Variants in PCSK5 observed in about 807,000 individuals in gnomAD.
PCSK5 encodes prohormone convertase 5.
Under a neutral mutation model 233.2 loss-of-function variants are expected in PCSK5, and 129 were observed. The observed-to-expected ratio is 0.55, with a 90% CI of 0.48 to 0.64. The LOEUF is 0.64. Ranked by LOEUF, PCSK5 falls within the 30% of genes least tolerant of loss-of-function variation. The probability of loss-of-function intolerance (pLI) is 0.00; values close to 1 mark genes in which losing one functional copy is unlikely to be tolerated. For synonymous variants in PCSK5, 825 were observed against 879.2 expected, an observed-to-expected ratio of 0.94 and a Z score of 1.09; for missense variants, 2,076 against 2,430.1, an observed-to-expected ratio of 0.85 and a Z score of 3.06.
intron 7 of PCSK5, among the ~76,000 whole-genome samples, chr9:76,089,670 A>G (rs138497867): frequency 4.1e-4 from 62 of 152,356 alleles, no homozygotes; most frequent in African/African-American, 1.5e-3. Flanking sequence ...TTTTAAAAAT[A>G]CTAAGCAATA....
chr9:75,891,143 A>ACCAG lies in PCSK5; in HGVS notation c.-33_-30dup. 7.0e-7 allele frequency: 1 copy of ACCAG among 1,435,036 alleles called. No individual in the cohort carries two copies. Among genetic ancestry groups the ACCAG allele is most frequent in the Non-Finnish European group, 9.1e-7 (1 of 1,103,044 alleles). The allele number at this position is 1,435,036 out of a possible 1,614,324, so 88.9% of individuals were successfully genotyped here. On this transcript the variant is annotated 5_prime_UTR_variant, in exon 1 of 38. Transcript: ENST00000674117. ...GTTGTGCGCGCCCTTAGTGCGCGGA[A>ACCAG]CCAGCCAGCGAGCGAGGGAGCAGCG... is the stretch of plus-strand genomic sequence containing the variant.
chr9:75,979,091 T>C (rs1365159500), intron 2 of PCSK5, among the ~76,000 whole-genome samples: 2 of 152,080 alleles, frequency 1.3e-5, no homozygotes, highest in African/African-American at 4.8e-5. Context: ...TGTCCTCAGG[T>C]GATCAGCCCA....
chr9:76,186,002 G>A (rs934874051), intron 17 of PCSK5, among the ~76,000 whole-genome samples: 12 of 152,072 alleles, frequency 7.9e-5, no homozygotes, highest in African/African-American at 1.9e-4. Flanking sequence ...AGTGCATGCC[G>A]GTAGAAACAT....
chr9:76,251,066 G>C (rs1014183913), intron 24 of PCSK5, among the ~76,000 whole-genome samples: 1 of 152,150 alleles, frequency 6.6e-6, no homozygotes, highest in South Asian at 2.1e-4. Context: ...CCAGGAGTTC[G>C]AGACCAGCCT....
At chr9:76,229,339 T>G (rs374938881) in intron 21 of PCSK5, among the ~76,000 whole-genome samples, 1 of 152,218 alleles carries the variant, frequency 6.6e-6, no homozygotes, top group Admixed American at 6.5e-5. Context: ...CTACCACCCT[T>G]CTTTTACAAT....
At chr9:76,100,403 A>G (rs886891677) in intron 8 of PCSK5, among the ~76,000 whole-genome samples, 18 of 152,268 alleles carry the variant, frequency 1.2e-4, no homozygotes, top group African/African-American at 4.3e-4. Context: ...ACACTGTGCT[A>G]TGCACATCAA....
chr9:76,351,536 GGA>G (rs1830158367), intron 36 of PCSK5, among the ~76,000 whole-genome samples: 3 of 91,418 alleles, frequency 3.3e-5, no homozygotes, highest in Non-Finnish European at 7.1e-5. Context: ...AAGAAAGGAA[GGA>G]AAGAAAGAGA....
intron 2 of PCSK5, among the ~76,000 whole-genome samples, chr9:75,946,918 C>G (rs1180249241): frequency 6.6e-6 from 1 of 152,284 alleles, no homozygotes; most frequent in East Asian, 1.9e-4. Context: ...GCACTTTGAG[C>G]TCTTCCCCAG....
chr9:76,067,109 C>T (rs983033086), intron 5 of PCSK5, among the ~76,000 whole-genome samples: 3 of 152,168 alleles, frequency 2.0e-5, no homozygotes, highest in Non-Finnish European at 2.9e-5. Flanking sequence ...TTTAGGCCAC[C>T]GTTTCTAAGC....
chr9:76,079,212 T>G (rs1357933856), intron 7 of PCSK5, among the ~76,000 whole-genome samples: 1 of 151,846 alleles, frequency 6.6e-6, no homozygotes, highest in East Asian at 1.9e-4. Flanking sequence ...CAAATGATTC[T>G]CCTGCCTCAG....
At chr9:76,016,730 A>T (rs1827963292) in intron 3 of PCSK5, among the ~76,000 whole-genome samples, 1 of 152,198 alleles carries the variant, frequency 6.6e-6, no homozygotes, top group African/African-American at 2.4e-5. Flanking sequence ...AAAGTTTCTA[A>T]TGCACGATGG....
rs1830145660 is a variant in PCSK5, at chr9:76,351,511, A to AAGGAAGGAAGGAAG, written c.5067+583_5067+584insAGGAAGGAAGGAAG. 4.4e-5 allele frequency among the ~76,000 whole-genome samples: 3 copies of AAGGAAGGAAGGAAG among 67,810 alleles called. 1 individual carries two copies. The highest frequency in any genetic ancestry group is 8.3e-5 in the Non-Finnish European group (2 of 24,022). 44.5% of individuals were successfully genotyped at this position (67,810 alleles called of 152,430 possible). On this transcript the variant is annotated intron_variant, in intron 36 of 37. Transcript: ENST00000674117. Reference sequence around the variant, plus strand: ...AAGAAAGAAAGAAAGAAAGAAAGAAAGAAAGAAAGAAAGAAAGAAAGGAAG... The same window carrying AAGGAAGGAAGGAAG: ...AAGAAAGAAAGAAAGAAAGAAAGAAAAGGAAGGAAGGAAGGAAAGAAAGAAAGAAAGAAAGGAAG...
intron 11 of PCSK5, 125 bp downstream of exon 11, chr9:76,157,287 C>T: frequency 1.5e-6 from 1 of 668,046 alleles, no homozygotes; most frequent in East Asian, 2.6e-5. Flanking sequence ...TCTAATGTGA[C>T]TATGAAATGG....
intron 24 of PCSK5, among the ~76,000 whole-genome samples, chr9:76,241,824 A>T (rs1171029020): frequency 6.6e-6 from 1 of 152,190 alleles, no homozygotes; most frequent in Non-Finnish European, 1.5e-5. Flanking sequence ...TCTTCATGGA[A>T]CTTCCATGAA....
chr9:76,291,729 G>A (rs1174752766), intron 24 of PCSK5, among the ~76,000 whole-genome samples: 4 of 152,170 alleles, frequency 2.6e-5, no homozygotes, highest in Admixed American at 2.6e-4. Context: ...AGAAAGTTGC[G>A]AAGGGCGTAA....
At chr9:75,956,312 G>A (rs2131334799) in intron 2 of PCSK5, among the ~76,000 whole-genome samples, 1 of 152,318 alleles carries the variant, frequency 6.6e-6, no homozygotes, top group Non-Finnish European at 1.5e-5. Flanking sequence ...CCTGTAGAGT[G>A]AGTAGGTGTT....
intron 1 of PCSK5, among the ~76,000 whole-genome samples, chr9:75,920,093 C>A (rs771523139): frequency 6.6e-6 from 1 of 151,998 alleles, no homozygotes; most frequent in African/African-American, 2.4e-5. Context: ...CACTTGAATG[C>A]GGGAGGCAAA....
At chr9:76,254,076 A>T (rs1023538835) in intron 24 of PCSK5, among the ~76,000 whole-genome samples, 1 of 152,234 alleles carries the variant, frequency 6.6e-6, no homozygotes, top group Non-Finnish European at 1.5e-5. Flanking sequence ...GCCATGGCAG[A>T]CACAAAGCAG....
At chr9:76,335,994 T>C (rs1829667377) in intron 34 of PCSK5, among the ~76,000 whole-genome samples, 1 of 152,208 alleles carries the variant, frequency 6.6e-6, no homozygotes, top group African/African-American at 2.4e-5. Context: ...ACTCTAATCC[T>C]GTGTATTCCC....
Sources: gnomAD v4.1 joint callset for allele counts (sites outside exome capture counted in the v4.1 genomes callset) on GRCh38, gnomAD v4.1.1 for gene constraint, MANE v1.5 for transcripts, NCBI Gene and HGNC (gene_info 2026-07-23, HGNC 2026-07-21) for gene names.